The following GREB1 variants were observed in gnomAD, a reference collection of about 807,000 sequenced individuals.
GREB1 encodes the protein growth regulating estrogen receptor binding 1, also known as protein GREB1.
A neutral mutation model predicts 200.7 loss-of-function variants in GREB1; 106 were observed. The ratio of observed to expected loss-of-function variants is 0.53; its 90% CI spans 0.45 to 0.62. The LOEUF is 0.62. Among genes scored for constraint, GREB1 ranks in the 20% least tolerant of loss-of-function variants. GREB1 has a pLI of 0.00. For synonymous variants in GREB1, 1,132 were observed against 1,092.4 expected, an observed-to-expected ratio of 1.04 and a Z score of -0.72; for missense variants, 2,243 against 2,556.8, an observed-to-expected ratio of 0.88 and a Z score of 2.65.
In GREB1 at chr2:11,576,519, C is replaced by T. The variant is rs892369169; in HGVS notation, c.621C>T (p.Ile207=). 1 of 1,613,290 alleles carries T rather than the reference C, an allele frequency of 6.2e-7. No homozygotes were observed. Among genetic ancestry groups the T allele is most frequent in the Non-Finnish European group, 8.5e-7 (1 of 1,179,748 alleles). The change falls in exon 5 of 33, where the codon ATC becomes ATT. Residue 207 remains isoleucine, a synonymous_variant. Coordinates refer to ENST00000381486, the MANE Select transcript of GREB1 (RefSeq NM_014668.4). ...GGACTCTAACCAAAGGACCTTTAAT[C>T]TGTTGGAAAGGCTCAGGTGAGCAGG... is the stretch of plus-strand genomic sequence containing the variant. ...AQGTLTKGPL[I]CWKGSEFRSR... is the part of the protein sequence containing the mutation.
chr2:11,582,218 C>T lies in GREB1; in HGVS notation c.901+1386C>T, dbSNP rs1425921576. 4.6e-5 allele frequency among the ~76,000 whole-genome samples: 7 copies of T among 152,294 alleles called. No homozygotes were observed. In the South Asian group the frequency reaches 6.2e-4, roughly 14 times the overall value. On this transcript the variant is annotated intron_variant, in intron 7 of 32. Transcript: ENST00000381486. ...AGGGAGATGAGGGCCTCCTTCAGCC[C>T]GGGAACCTGGGAAGGTGGCCTTGGG...
chr2:11,566,373 G>A, intron 3 of GREB1, 107 bp from the exon 4 acceptor site: 16 of 1,064,906 alleles, frequency 1.5e-5, no homozygotes, highest in Non-Finnish European at 2.0e-5. Flanking sequence ...CACACCCAGG[G>A]GTAAGGGTTT....
intron 15 of GREB1, among the ~76,000 whole-genome samples, chr2:11,599,816 G>A (rs867970985): frequency 4.0e-5 from 6 of 151,882 alleles, no homozygotes; most frequent in African/African-American, 9.7e-5. Flanking sequence ...CACCGCACCC[G>A]GCTGATGCCT....
At chr2:11,587,391 A>G in intron 9 of GREB1, 2 of 1,612,062 alleles carry the variant, frequency 1.2e-6, no homozygotes, top group South Asian at 2.2e-5. Context: ...GTATTTGTAA[A>G]TGGTGCTACC....
upstream of GREB1, among the ~76,000 whole-genome samples, chr2:11,530,246 G>A (rs2148488712): frequency 6.6e-6 from 1 of 151,972 alleles, no homozygotes; most frequent in African/African-American, 2.4e-5. Flanking sequence ...ACTTTTTGTA[G>A]AGATGGGGTT....
chr2:11,560,137 T>C (rs1676853267), intron 2 of GREB1, among the ~76,000 whole-genome samples: 1 of 152,048 alleles, frequency 6.6e-6, no homozygotes, highest in South Asian at 2.1e-4. Flanking sequence ...GACCTTAGGG[T>C]TTGTCTGGAT....
In GREB1 at chr2:11,610,937, C is replaced by T. The variant is rs763581820; in HGVS notation, c.2916C>T (p.Ala972=). The change falls in exon 18 of 33, where the codon GCC becomes GCT. Residue 972 remains alanine, a synonymous_variant. Coordinates refer to ENST00000381486, the MANE Select transcript of GREB1 (RefSeq NM_014668.4). Reference sequence around the variant, plus strand: ...ATGAGCGGCTGGCCCACGTGCGGGCCCGGCTGGCGCTGGAGGAGCACTTTG... The same window carrying T: ...ATGAGCGGCTGGCCCACGTGCGGGCTCGGCTGGCGCTGGAGGAGCACTTTG... The part of the protein sequence containing the change: ...VAYERLAHVR[A]RLALEEHFEI... 22 of 1,611,074 alleles carry T rather than the reference C, an allele frequency of 1.4e-5. No homozygotes were observed. The highest frequency in any genetic ancestry group is 1.8e-5 in the Non-Finnish European group (21 of 1,179,142).
chr2:11,522,053 G>C (rs566583619), intron 1 of GREB1, among the ~76,000 whole-genome samples: 1 of 152,180 alleles, frequency 6.6e-6, no homozygotes, highest in Non-Finnish European at 1.5e-5. Context: ...CCTGGTAGAC[G>C]AAGAGGAGCA....
chr2:11,565,966 A>G (rs1164449515), intron 3 of GREB1, among the ~76,000 whole-genome samples: 1 of 152,070 alleles, frequency 6.6e-6, no homozygotes, highest in Non-Finnish European at 1.5e-5. Context: ...TGTGCATCAC[A>G]TGGTGGCACC....
At chr2:11,530,306 C>T (rs558341020), upstream of GREB1, among the ~76,000 whole-genome samples, 629 of 152,080 alleles carry the variant, frequency 4.1e-3, 5 homozygotes, top group African/African-American at 0.014. Context: ...AAGTGATCCA[C>T]CCACTTTGGC....
At chr2:11,537,793 A>G (rs1036815536) in intron 1 of GREB1, among the ~76,000 whole-genome samples, 1 of 149,006 alleles carries the variant, frequency 6.7e-6, no homozygotes, top group African/African-American at 2.4e-5. Flanking sequence ...AACATAAAAT[A>G]CATACATGTA....
chr2:11,595,403 C>T, intron 12 of GREB1, 24 bp downstream of exon 12: 1 of 1,608,294 alleles, frequency 6.2e-7, no homozygotes, highest in Non-Finnish European at 8.5e-7. Context: ...GAGACAGGTG[C>T]ACATGCGTAT....
chr2:11,615,800 C>T lies in GREB1; in HGVS notation c.3322+510C>T, dbSNP rs144153912. 7.0e-3 allele frequency among the ~76,000 whole-genome samples: 1,060 copies of T among 152,330 alleles called. 13 individuals carry two copies. Among genetic ancestry groups the T allele is most frequent in the African/African-American group, 0.024 (1,002 of 41,576 alleles). On this transcript the variant is annotated intron_variant, in intron 20 of 32. Coordinates refer to ENST00000381486, the MANE Select transcript of GREB1 (RefSeq NM_014668.4). The stretch of plus-strand genomic sequence containing the variant: ...TAATAGGACACATAAATGATAACAT[C>T]GCAAGGCATTGACTATAGTCAACAA...
In GREB1 at chr2:11,625,231, C is replaced by G; in HGVS notation, c.4225C>G (p.Pro1409Ala). The G allele has an allele frequency of 6.2e-7, 1 of 1,613,966 alleles. No individual in the cohort carries two copies. The highest frequency in any genetic ancestry group is 2.2e-5 in the East Asian group (1 of 44,892). ...AGACCTGGAGCTGTTCAAGAAGTTG[C>G]CCTTTGACTACATCATTCACGACCC... Reference protein sequence around the residue: ...WPDLELFKKLPFDYIIHDPKY... With the variant: ...WPDLELFKKLAFDYIIHDPKY... The change falls in exon 24 of 33, where the codon CCC (proline) becomes GCC (alanine). Residue 1409 changes from proline (P) to alanine (A), a missense_variant. Physicochemically the swap from Pro to Ala is conservative, Grantham distance 27. Coordinates refer to ENST00000381486, the MANE Select transcript of GREB1 (RefSeq NM_014668.4).
chr2:11,577,592 A>G (rs1416692245), intron 5 of GREB1, among the ~76,000 whole-genome samples: 3 of 152,138 alleles, frequency 2.0e-5, no homozygotes, highest in Non-Finnish European at 4.4e-5. Flanking sequence ...GCGGCCTGCC[A>G]TGGGTGGAGG....
At chr2:11,544,441 C>T (rs1675062890) in intron 1 of GREB1, among the ~76,000 whole-genome samples, 1 of 152,136 alleles carries the variant, frequency 6.6e-6, no homozygotes, top group Non-Finnish European at 1.5e-5. Flanking sequence ...TGGTCTCGAT[C>T]TCCTGACTTT....
At position 11,541,293 on chromosome 2, in the gene GREB1, G is replaced by T. The variant is rs147906294; in HGVS notation, c.-162+7039G>T. ...GAAAGGGAGGCCGGGCAGGAAGCCA[G>T]GGTTGGGGTTTTGCTCTTATAGACT... is the stretch of plus-strand genomic sequence containing the variant. On this transcript the variant is annotated intron_variant, in intron 1 of 32. Coordinates refer to ENST00000381486, the MANE Select transcript of GREB1 (RefSeq NM_014668.4). 3.3e-5 allele frequency among the ~76,000 whole-genome samples: 5 copies of T among 152,274 alleles called. No homozygotes were observed. In the East Asian group the frequency reaches 9.7e-4, roughly 29 times the overall value.
At chr2:11,618,166 G>GCGACTCC in intron 21 of GREB1, 122 bp from the exon 22 acceptor site, 3 of 858,274 alleles carry the variant, frequency 3.5e-6, no homozygotes, top group Non-Finnish European at 5.0e-6. Context: ...CCTGGGATGG[G>GCGACTCC]TGACTCCTGG....
chr2:11,511,704 G>C (rs935589215), intron 1 of GREB1, among the ~76,000 whole-genome samples: 1 of 152,162 alleles, frequency 6.6e-6, no homozygotes. Context: ...CTGAGCTTAG[G>C]GGAATGGGGT....
Sources: allele counts gnomAD v4.1 joint callset (sites outside exome capture counted in the v4.1 genomes callset), GRCh38; gene constraint gnomAD v4.1.1; transcripts MANE v1.5; gene names NCBI Gene and HGNC (gene_info 2026-07-23, HGNC 2026-07-21).